The following DACH2 variants were observed in gnomAD, a reference collection of about 807,000 sequenced individuals.
The protein encoded by DACH2 is dachshund homolog 2.
A neutral mutation model predicts 35.8 loss-of-function variants in DACH2; 17 were observed. The observed-to-expected ratio is 0.48, with a 90% CI of 0.33 to 0.71. The LOEUF (loss-of-function observed/expected upper bound fraction) is 0.71. Ranked by LOEUF, DACH2 falls within the 30% of genes least tolerant of loss-of-function variation. The pLI, the probability that DACH2 is intolerant of heterozygous loss-of-function variation, is 0.02. For missense variants in DACH2, 469 were observed against 472.7 expected, an observed-to-expected ratio of 0.99 and a Z score of 0.07; for synonymous variants, 195 against 177.3, an observed-to-expected ratio of 1.10 and a Z score of -0.79.
chrX:86,498,344 A>G (rs1484525180), intron 2 of DACH2, among the ~76,000 whole-genome samples: 1 of 112,449 alleles, frequency 8.9e-6, no homozygotes, highest in Non-Finnish European at 1.9e-5. Context: ...TTATACATAA[A>G]TCCATCCTCA....
intron 6 of DACH2, among the ~76,000 whole-genome samples, chrX:86,724,426 T>A (rs1457347775): frequency 9.0e-6 from 1 of 111,705 alleles, no homozygotes; most frequent in Non-Finnish European, 1.9e-5. Flanking sequence ...CTGGGAAATC[T>A]TTTATTTCTC....
At chrX:86,153,376 C>T (rs896971289) in intron 1 of DACH2, among the ~76,000 whole-genome samples, 8 of 111,177 alleles carry the variant, frequency 7.2e-5, no homozygotes, top group Admixed American at 2.9e-4. Flanking sequence ...CATTTTAAAA[C>T]TATTTTCAAA....
chrX:86,229,981 C>G (rs932490924), intron 1 of DACH2, among the ~76,000 whole-genome samples: 2 of 110,771 alleles, frequency 1.8e-5, no homozygotes, highest in Admixed American at 1.9e-4. Flanking sequence ...TCTGATTTCT[C>G]TGGGTAAGAC....
chrX:86,637,153 A>G (rs1404674288), intron 3 of DACH2, among the ~76,000 whole-genome samples: 1 of 98,525 alleles, frequency 1.0e-5, no homozygotes, highest in Non-Finnish European at 2.0e-5. Flanking sequence ...TGCAAATCAA[A>G]ACCACAATGA....
chrX:86,629,877 AAAT>A (rs926260016), intron 3 of DACH2, among the ~76,000 whole-genome samples: 1 of 111,356 alleles, frequency 9.0e-6, no homozygotes, highest in Non-Finnish European at 1.9e-5. Flanking sequence ...CCTGTCTCAA[AAAT>A]AATAATAATA....
At chrX:86,797,842 A>C (rs764033082) in intron 7 of DACH2, among the ~76,000 whole-genome samples, 4 of 111,798 alleles carry the variant, frequency 3.6e-5, no homozygotes, top group Non-Finnish European at 7.5e-5. Context: ...AGGCCATTGG[A>C]TAGTTGTACA....
chrX:86,476,294 T>A (rs2037842285), intron 2 of DACH2, among the ~76,000 whole-genome samples: 1 of 111,930 alleles, frequency 8.9e-6, no homozygotes, highest in Non-Finnish European at 1.9e-5. Context: ...AGTGAAGCCA[T>A]CAGGTCCCTG....
chrX:86,693,132 T>G (rs2041028772), intron 4 of DACH2, among the ~76,000 whole-genome samples: 1 of 112,306 alleles, frequency 8.9e-6, no homozygotes. Context: ...CATAGAAGTA[T>G]TGCATGTTTT....
At chrX:86,315,788 GACACAC>G (rs774427717) in intron 1 of DACH2, among the ~76,000 whole-genome samples, 2,681 of 78,385 alleles carry the variant, frequency 0.034, 65 homozygotes, top group East Asian at 0.15. Context: ...GAGGGTCGTG[GACACAC>G]ACACACACAC....
chrX:86,202,113 T>A (rs995595626), intron 1 of DACH2, among the ~76,000 whole-genome samples: 7 of 111,847 alleles, frequency 6.3e-5, no homozygotes, highest in Non-Finnish European at 7.5e-5. Flanking sequence ...TATTGTCTTA[T>A]CCTAATTTTC....
chrX:86,200,497 C>G (rs910442198), intron 1 of DACH2, among the ~76,000 whole-genome samples: 3 of 109,985 alleles, frequency 2.7e-5, no homozygotes, highest in Non-Finnish European at 5.7e-5. Context: ...AGAGAACATA[C>G]AGAATGGGAG....
At chrX:86,660,122 G>A (rs918119275) in intron 4 of DACH2, among the ~76,000 whole-genome samples, 1 of 111,281 alleles carries the variant, frequency 9.0e-6, no homozygotes, top group East Asian at 2.8e-4. Context: ...TTATTCATGG[G>A]TGATCACTCT....
At chrX:86,185,628 T>A (rs1044233682) in intron 1 of DACH2, among the ~76,000 whole-genome samples, 4 of 111,867 alleles carry the variant, frequency 3.6e-5, no homozygotes, top group Admixed American at 9.6e-5. Context: ...TTTTTGTAGA[T>A]GCTTTTGAAG....
chrX:86,218,961 A>T (rs111770372), intron 1 of DACH2, among the ~76,000 whole-genome samples: 1,463 of 111,920 alleles, frequency 0.013, 22 homozygotes, highest in African/African-American at 0.044. Flanking sequence ...ATCCTGATAA[A>T]GCCTAGGAAA....
intron 6 of DACH2, among the ~76,000 whole-genome samples, chrX:86,715,689 C>T (rs2041328476): frequency 9.0e-6 from 1 of 111,508 alleles, no homozygotes; most frequent in Non-Finnish European, 1.9e-5. Flanking sequence ...AAATGTGAGA[C>T]AAACAAGTAC....
At chrX:86,287,881 T>C (rs2034185898) in intron 1 of DACH2, among the ~76,000 whole-genome samples, 1 of 112,409 alleles carries the variant, frequency 8.9e-6, no homozygotes, top group Non-Finnish European at 1.9e-5. Flanking sequence ...TTCCAGTTTT[T>C]GTACCTGGTG....
chrX:86,435,293 T>G (rs1489506986), intron 2 of DACH2, among the ~76,000 whole-genome samples: 3 of 111,858 alleles, frequency 2.7e-5, no homozygotes, highest in African/African-American at 9.8e-5. Flanking sequence ...TGGCAATTAC[T>G]TTCCGTATTT....
intron 2 of DACH2, among the ~76,000 whole-genome samples, chrX:86,460,651 C>T (rs1293314244): frequency 1.8e-5 from 2 of 110,259 alleles, no homozygotes; most frequent in African/African-American, 3.3e-5. Context: ...AATGTATTCT[C>T]CTTTTATGAC....
At chrX:86,529,977 GCACACACACACA>G (rs34621582) in intron 3 of DACH2, among the ~76,000 whole-genome samples, 1 of 84,244 alleles carries the variant, frequency 1.2e-5, no homozygotes, top group Non-Finnish European at 2.3e-5. Flanking sequence ...ACACACACAC[GCACACACACACA>G]CACACACACA....
Sources: allele counts gnomAD v4.1 joint callset (sites outside exome capture counted in the v4.1 genomes callset), GRCh38; gene constraint gnomAD v4.1.1; transcripts MANE v1.5; gene names NCBI Gene and HGNC (gene_info 2026-07-23, HGNC 2026-07-21).